The following PREX1 variants were observed in gnomAD, a reference collection of about 807,000 sequenced individuals.
PREX1 encodes phosphatidylinositol 3,4,5-trisphosphate-dependent Rac exchanger 1 protein.
Under a neutral mutation model 198.3 loss-of-function variants are expected in PREX1, and 41 were observed. The ratio of observed to expected loss-of-function variants is 0.21; its 90% CI spans 0.16 to 0.27. The LOEUF (loss-of-function observed/expected upper bound fraction) is 0.27. PREX1 is among the 10% of genes least tolerant of loss of function. The pLI, the probability that PREX1 is intolerant of heterozygous loss-of-function variation, is 1.00. For missense variants in PREX1, 1,620 were observed against 2,200.7 expected, an observed-to-expected ratio of 0.74 and a Z score of 5.28; for synonymous variants, 843 against 887.2, an observed-to-expected ratio of 0.95 and a Z score of 0.89.
rs2089799898 is a variant in PREX1, at chr20:48,688,753, C to A, written c.1238G>T (p.Gly413Val). The A allele has an allele frequency of 6.2e-7, 1 of 1,614,076 alleles. No individual in the cohort carries two copies. The highest frequency in any genetic ancestry group is 8.5e-7 in the Non-Finnish European group (1 of 1,180,038). ...CATCATCATGTGGTACAGCTTCTCCCCCTTCTCCGCAATCATGACGTAGGC... is the reference window on the plus strand; with the variant it reads ...CATCATCATGTGGTACAGCTTCTCCACCTTCTCCGCAATCATGACGTAGGC... ...RDAYVMIAEK[G>V]EKLYHMMMNK... is the part of the protein sequence containing the mutation. The change falls in exon 10 of 40, where the codon GGG (glycine) becomes GTG (valine). Residue 413 changes from glycine to valine, a missense_variant. By Grantham distance (109) the Gly-to-Val change is moderately radical. Around this residue, in one of 7 missense-constraint regions of PREX1, gnomAD observed 488 missense variants for 802.5 expected, o/e 0.61. Coordinates refer to ENST00000371941, the MANE Select transcript of PREX1 (RefSeq NM_020820.4).
rs1267907249 is a variant in PREX1 at position 48,637,618 on chromosome 20, T to TC, written c.3946+92dup. On this transcript the variant is annotated intron_variant, in intron 31 of 39. Transcript: ENST00000371941. ...AGGGGCTCCAGGCCAAAGCGTTGCC[T>TC]CCCCCCGTCCAGGCCCCGAGGGCAT... 113 of 1,290,044 alleles carry TC rather than the reference T, an allele frequency of 8.8e-5. 2 individuals carry two copies. In the Admixed American group the frequency reaches 1.9e-3, roughly 21 times the overall value. The allele number at this position is 1,290,044 out of a possible 1,614,324, so 79.9% of individuals were successfully genotyped here. A position where few individuals can be genotyped will look rare whatever the true frequency, so the allele number is the denominator to read the frequency against.
At chr20:48,664,210 TA>T (rs1176470010) in intron 15 of PREX1, among the ~76,000 whole-genome samples, 1 of 151,918 alleles carries the variant, frequency 6.6e-6, no homozygotes, top group Non-Finnish European at 1.5e-5. Flanking sequence ...CCATCTCTAC[TA>T]AAAAATACAA....
chr20:48,820,479 C>T (rs1054107676), intron 1 of PREX1, among the ~76,000 whole-genome samples: 15 of 152,166 alleles, frequency 9.9e-5, no homozygotes, highest in African/African-American at 3.6e-4. Flanking sequence ...AGGGAGCCTC[C>T]CAGACACTCT....
Position 48,642,393 on chromosome 20 carries a change from G to C in PREX1, c.3684+14C>G. On this transcript the variant is annotated intron_variant, in intron 28 of 39. Transcript: ENST00000371941. Reference sequence around the variant, plus strand: ...GAACCCAAAGTTGCGCCAGGAGTGGGGCAAAGGTCCTACCTGGTTAAAGAG... The same window carrying C: ...GAACCCAAAGTTGCGCCAGGAGTGGCGCAAAGGTCCTACCTGGTTAAAGAG... 6.2e-7 allele frequency: 1 copy of C among 1,611,490 alleles called. No homozygotes were observed. The highest frequency in any genetic ancestry group is 8.5e-7 in the Non-Finnish European group (1 of 1,178,120).
At chr20:48,655,573 G>T (rs2089536612) in intron 18 of PREX1, among the ~76,000 whole-genome samples, 198 bp from the exon 19 acceptor site, 1 of 152,266 alleles carries the variant, frequency 6.6e-6, no homozygotes, top group Non-Finnish European at 1.5e-5. Flanking sequence ...ATGCCACCAG[G>T]ATCTTTGATT....
At chr20:48,733,154 A>G (rs1339159282) in intron 4 of PREX1, among the ~76,000 whole-genome samples, 1 of 152,276 alleles carries the variant, frequency 6.6e-6, no homozygotes, top group Non-Finnish European at 1.5e-5. Flanking sequence ...CGTTTTATAC[A>G]TAAGTGAGGC....
chr20:48,781,759 T>C (rs544979285), intron 1 of PREX1, among the ~76,000 whole-genome samples: 1 of 152,194 alleles, frequency 6.6e-6, no homozygotes. Flanking sequence ...GGGGTCCACC[T>C]CCAGGAGCTA....
At chr20:48,802,396 C>A (rs900346778) in intron 1 of PREX1, among the ~76,000 whole-genome samples, 2 of 152,160 alleles carry the variant, frequency 1.3e-5, no homozygotes, top group Non-Finnish European at 1.5e-5. Flanking sequence ...CCTTGATGAT[C>A]CTGAAATTGG....
At chr20:48,854,763 C>T in the PREX1 span, among the ~76,000 whole-genome samples, 1 of 152,152 alleles carries the variant, frequency 6.6e-6, no homozygotes, top group Non-Finnish European at 1.5e-5. Flanking sequence ...GTCATATAGC[C>T]CAGGTTCAGA....
At chr20:48,759,811 A>G (rs1462025758) in intron 1 of PREX1, among the ~76,000 whole-genome samples, 1 of 152,094 alleles carries the variant, frequency 6.6e-6, no homozygotes, top group Non-Finnish European at 1.5e-5. Flanking sequence ...AACATTAGCT[A>G]TTATTGGCCA....
At chr20:48,722,010 G>T (rs1175117913) in intron 5 of PREX1, among the ~76,000 whole-genome samples, 1 of 152,146 alleles carries the variant, frequency 6.6e-6, no homozygotes, top group Non-Finnish European at 1.5e-5. Context: ...GAGTATGCTT[G>T]GTAAGAGATG....
chr20:48,776,438 G>A (rs2090262197), intron 1 of PREX1, among the ~76,000 whole-genome samples: 1 of 152,222 alleles, frequency 6.6e-6, no homozygotes. Context: ...AGCTGTGGGA[G>A]GGGATGGCAG....
intron 1 of PREX1, among the ~76,000 whole-genome samples, chr20:48,825,184 C>T (rs771835309): frequency 1.3e-4 from 20 of 152,140 alleles, no homozygotes; most frequent in Non-Finnish European, 1.9e-4. Context: ...CCATTCCTGA[C>T]GGGCCAAGAT....
chr20:48,702,455 T>C (rs1339027852), intron 6 of PREX1, among the ~76,000 whole-genome samples: 1 of 152,232 alleles, frequency 6.6e-6, no homozygotes, highest in Non-Finnish European at 1.5e-5. Context: ...GAATGGAGTC[T>C]TCCCTGGTAC....
chr20:48,703,424 G>A (rs2089885696), intron 6 of PREX1, among the ~76,000 whole-genome samples: 1 of 152,184 alleles, frequency 6.6e-6, no homozygotes, highest in African/African-American at 2.4e-5. Context: ...GTAGCAGCCT[G>A]CCGCACCAAG....
intron 19 of PREX1, 57 bp from the exon 20 acceptor site, chr20:48,653,554 G>A: frequency 6.4e-7 from 1 of 1,571,946 alleles, no homozygotes; most frequent in Admixed American, 1.7e-5. Context: ...GCAGCCCGCT[G>A]AACACTGTCC....
chr20:48,862,780 T>TAAA, the PREX1 span, among the ~76,000 whole-genome samples: 21 of 99,228 alleles, frequency 2.1e-4, 1 homozygote, highest in African/African-American at 7.7e-4. Flanking sequence ...TAAAAAAGCC[T>TAAA]AAAAAAAAAA....
intron 26 of PREX1, among the ~76,000 whole-genome samples, chr20:48,645,082 C>T (rs1049867755): frequency 6.6e-6 from 1 of 152,180 alleles, no homozygotes; most frequent in African/African-American, 2.4e-5. Flanking sequence ...CACAAAGTGC[C>T]GCAGCAGCCA....
chr20:48,887,789 A>C, the PREX1 span, among the ~76,000 whole-genome samples: 3 of 152,082 alleles, frequency 2.0e-5, no homozygotes, highest in Admixed American at 2.0e-4. Flanking sequence ...TACTAAAAAT[A>C]CTAAAACAAA....
Sources: allele counts gnomAD v4.1 joint callset (sites outside exome capture counted in the v4.1 genomes callset), GRCh38; gene constraint gnomAD v4.1.1; regional missense constraint gnomAD v4.1.1; transcripts MANE v1.5; gene names NCBI Gene and HGNC (gene_info 2026-07-23, HGNC 2026-07-21).